Variants in CDH8 observed in about 807,000 individuals in gnomAD.
CDH8 encodes cadherin-8.
A neutral mutation model predicts 68.1 loss-of-function variants in CDH8; 17 were observed. The observed-to-expected ratio is 0.25, with a 90% CI of 0.17 to 0.37. The LOEUF (loss-of-function observed/expected upper bound fraction) is 0.37, where lower values mean the gene tolerates loss of function less well. Among genes scored for constraint, CDH8 ranks in the 10% least tolerant of loss-of-function variants. The pLI, the probability that CDH8 is intolerant of heterozygous loss-of-function variation, is 1.00. For synonymous variants in CDH8, 372 were observed against 365.1 expected, an observed-to-expected ratio of 1.02 and a Z score of -0.21; for missense variants, 763 against 999.3, an observed-to-expected ratio of 0.76 and a Z score of 3.19.
chr16:61,779,397 C>A (rs1960984234), intron 8 of CDH8, among the ~76,000 whole-genome samples: 1 of 146,520 alleles, frequency 6.8e-6, no homozygotes, highest in African/African-American at 2.5e-5. Flanking sequence ...CCTCCCTTTG[C>A]AGTATTGTCA....
chr16:61,977,366 GA>G (rs1965453943), intron 2 of CDH8, among the ~76,000 whole-genome samples: 1 of 152,126 alleles, frequency 6.6e-6, no homozygotes, highest in Admixed American at 6.6e-5. Flanking sequence ...ATAATAAGGA[GA>G]TATTATTCAA....
At chr16:62,001,498 A>C (rs778749957) in intron 2 of CDH8, among the ~76,000 whole-genome samples, 1 of 152,178 alleles carries the variant, frequency 6.6e-6, no homozygotes, top group African/African-American at 2.4e-5. Context: ...CAAGTAGCCC[A>C]AGGTAAATAC....
intron 10 of CDH8, among the ~76,000 whole-genome samples, chr16:61,662,087 G>GTTTTTTTTTTTTTTTT: frequency 2.2e-5 from 2 of 92,792 alleles, no homozygotes; most frequent in African/African-American, 4.0e-5. Flanking sequence ...TTTTACTTTA[G>GTTTTTTTTTTTTTTTT]TTTTTTTTTT....
chr16:61,669,556 A>G (rs1963749394), intron 10 of CDH8, among the ~76,000 whole-genome samples: 1 of 152,052 alleles, frequency 6.6e-6, no homozygotes, highest in South Asian at 2.1e-4. Context: ...AAGTGAGGAA[A>G]ATGATTACGC....
chr16:62,009,736 T>C (rs1172799663), intron 2 of CDH8, among the ~76,000 whole-genome samples: 2 of 152,194 alleles, frequency 1.3e-5, no homozygotes, highest in African/African-American at 2.4e-5. Context: ...CATTACACTC[T>C]GGTCACCAAG....
chr16:61,871,523 T>G (rs1963362996), intron 3 of CDH8, among the ~76,000 whole-genome samples: 1 of 151,938 alleles, frequency 6.6e-6, no homozygotes, highest in South Asian at 2.1e-4. Context: ...TGGTAGATTC[T>G]GATGTAACAA....
chr16:61,955,624 T>C (rs377460172), intron 2 of CDH8, among the ~76,000 whole-genome samples: 1 of 152,328 alleles, frequency 6.6e-6, no homozygotes, highest in African/African-American at 2.4e-5. Context: ...TTTTTTTAAT[T>C]ACCATTTACA....
At chr16:61,751,974 A>C (rs1325715329) in intron 8 of CDH8, among the ~76,000 whole-genome samples, 1 of 152,090 alleles carries the variant, frequency 6.6e-6, no homozygotes, top group Non-Finnish European at 1.5e-5. Flanking sequence ...TCATTCAATA[A>C]ATATTTATTG....
At chr16:61,809,039 A>C (rs941367146) in intron 7 of CDH8, among the ~76,000 whole-genome samples, 2 of 152,160 alleles carry the variant, frequency 1.3e-5, no homozygotes, top group African/African-American at 4.8e-5. Flanking sequence ...ATACAAAATT[A>C]GACGGGCATG....
chr16:61,695,887 AC>A (rs1453146805), intron 10 of CDH8, among the ~76,000 whole-genome samples: 1 of 152,128 alleles, frequency 6.6e-6, no homozygotes, highest in Non-Finnish European at 1.5e-5. Context: ...GTTTCAAATG[AC>A]CTACTTTTCA....
At chr16:61,766,151 C>A (rs1169175724) in intron 8 of CDH8, among the ~76,000 whole-genome samples, 3 of 151,520 alleles carry the variant, frequency 2.0e-5, no homozygotes, top group South Asian at 2.1e-4. Context: ...CCCACCCTAC[C>A]CCCTTCTGAG....
intron 4 of CDH8, among the ~76,000 whole-genome samples, chr16:61,846,827 C>A (rs1423424147): frequency 6.6e-6 from 1 of 151,952 alleles, no homozygotes; most frequent in African/African-American, 2.4e-5. Context: ...GAGTTACATT[C>A]CACTGTAATA....
intron 4 of CDH8, among the ~76,000 whole-genome samples, chr16:61,838,923 G>A (rs2143007495): frequency 6.6e-6 from 1 of 152,122 alleles, no homozygotes; most frequent in East Asian, 1.9e-4. Context: ...AAATGATCAA[G>A]GGATTAAATC....
chr16:62,016,003 A>G (rs1466432692), intron 2 of CDH8, among the ~76,000 whole-genome samples: 1 of 152,072 alleles, frequency 6.6e-6, no homozygotes, highest in African/African-American at 2.4e-5. Context: ...AGTTACCCTG[A>G]CCCTCTCTCA....
intron 2 of CDH8, among the ~76,000 whole-genome samples, chr16:61,949,657 C>T (rs1302899071): frequency 6.6e-6 from 1 of 151,880 alleles, no homozygotes; most frequent in Non-Finnish European, 1.5e-5. Flanking sequence ...TCTATTAATA[C>T]CTTATAGGAT....
chr16:61,883,796 T>C (rs957672093), intron 3 of CDH8, among the ~76,000 whole-genome samples: 1 of 152,020 alleles, frequency 6.6e-6, no homozygotes, highest in Admixed American at 6.6e-5. Flanking sequence ...AGTCTTTCTA[T>C]CTGCAAAGAC....
intron 7 of CDH8, among the ~76,000 whole-genome samples, chr16:61,790,770 AT>A (rs1961359150): frequency 6.6e-6 from 1 of 152,058 alleles, no homozygotes; most frequent in Admixed American, 6.6e-5. Context: ...TTATGTATGT[AT>A]GTATATGAAT....
chr16:61,695,340 A>T (rs940508755), intron 10 of CDH8, among the ~76,000 whole-genome samples: 3 of 152,166 alleles, frequency 2.0e-5, no homozygotes, highest in African/African-American at 7.2e-5. Context: ...ATGTAGCTGA[A>T]TATTTACTTA....
chr16:61,878,167 C>T (rs922797795), intron 3 of CDH8, among the ~76,000 whole-genome samples: 19 of 152,152 alleles, frequency 1.2e-4, no homozygotes, highest in African/African-American at 4.3e-4. Context: ...TTTTCTATCC[C>T]TGCTAAAGGC....
Sources: gnomAD v4.1 joint callset for allele counts (sites outside exome capture counted in the v4.1 genomes callset) on GRCh38, gnomAD v4.1.1 for gene constraint, MANE v1.5 for transcripts, NCBI Gene and HGNC (gene_info 2026-07-23, HGNC 2026-07-21) for gene names.